The following XPOT variants were observed in gnomAD, a reference collection of about 807,000 sequenced individuals.
The protein encoded by XPOT is exportin-T.
In XPOT, 34 loss-of-function variants were observed where a neutral mutation model predicts 128.2. That is an observed-to-expected ratio of 0.27 (90% CI 0.20 to 0.35). XPOT has a LOEUF of 0.35. XPOT is among the 10% of genes least tolerant of loss of function. The pLI, the probability that XPOT is intolerant of heterozygous loss-of-function variation, is 1.00. For synonymous variants in XPOT, 348 were observed against 394.3 expected, an observed-to-expected ratio of 0.88 and a Z score of 1.39; for missense variants, 838 against 1,125.3, an observed-to-expected ratio of 0.74 and a Z score of 3.65.
At chr12:64,428,727 A>G (rs2040213222) in intron 16 of XPOT, among the ~76,000 whole-genome samples, 1 of 152,256 alleles carries the variant, frequency 6.6e-6, no homozygotes, top group African/African-American at 2.4e-5. Context: ...TTTGAAAGAT[A>G]TTACTTTACA....
At chr12:64,428,775 C>T (rs1156696048) in intron 16 of XPOT, among the ~76,000 whole-genome samples, 2 of 152,180 alleles carry the variant, frequency 1.3e-5, no homozygotes, top group Non-Finnish European at 2.9e-5. Flanking sequence ...CATGTAAAAA[C>T]ATGACAGCAC....
chr12:64,443,962 A>G (rs1272799429), intron 23 of XPOT, among the ~76,000 whole-genome samples: 2 of 152,178 alleles, frequency 1.3e-5, no homozygotes, highest in Non-Finnish European at 2.9e-5. Context: ...ATAAATTACT[A>G]TTCTTGTGAT....
Position 64,423,034 on chromosome 12 carries a change from T to C in XPOT, c.1110T>C (p.Ala370=). ...QLTVLSDQQK[A]NVEAIMLAVM... ...CAGTGCTCTCGGATCAGCAAAAAGCTAATGTAGAGGTAATTGACTTTATGC... is the reference window on the plus strand; with the variant it reads ...CAGTGCTCTCGGATCAGCAAAAAGCCAATGTAGAGGTAATTGACTTTATGC... Residue 370 remains alanine, a synonymous_variant, in exon 10 of 25, where the codon GCT becomes GCC. Coordinates refer to ENST00000332707, the MANE Select transcript of XPOT (RefSeq NM_007235.6). 1.2e-6 allele frequency: 2 copies of C among 1,613,596 alleles called. No individual in the cohort carries two copies. Among genetic ancestry groups the C allele is most frequent in the African/African-American group, 1.3e-5 (1 of 75,034 alleles).
chr12:64,420,407 A>G lies in XPOT; in HGVS notation c.729A>G (p.Ala243=). The G allele has an allele frequency of 1.9e-6, 3 of 1,613,940 alleles. No individual in the cohort carries two copies. Among genetic ancestry groups the G allele is most frequent in the Non-Finnish European group, 2.5e-6 (3 of 1,179,898 alleles). ...HMSIEVLREE[A]CDCLFEVVNK... ...CAATAGAAGTTCTACGGGAAGAAGC[A>G]TGTGACTGTTTATTTGAAGTTGTAA... The change falls in exon 8 of 25, where the codon GCA becomes GCG. Residue 243 remains alanine (A), a synonymous_variant. Coordinates refer to ENST00000332707, the MANE Select transcript of XPOT (RefSeq NM_007235.6).
rs1434754302 is a variant in XPOT at position 64,425,432 on chromosome 12, A to T, written c.1547A>T (p.Glu516Val). The change falls in exon 14 of 25, where the codon GAA becomes GTA. Residue 516 changes from glutamate (E) to valine (V), a missense_variant. Glu to Val is a moderately radical substitution (Grantham distance 121). This residue lies in a region of XPOT where 761 missense variants were observed against 988.3 expected (regional missense o/e 0.77). Coordinates refer to ENST00000332707, the MANE Select transcript of XPOT (RefSeq NM_007235.6). ...VVRYEKFFTV[E>V]PQHIPCVLMA... ...AGATATGAAAAGTTTTTCACAGTTG[A>T]ACCTCAGCACATTCCATGTGTACTA... is the stretch of plus-strand genomic sequence containing the variant. 1.9e-6 allele frequency: 3 copies of T among 1,613,906 alleles called. No individual in the cohort carries two copies. The highest frequency in any genetic ancestry group is 2.5e-6 in the Non-Finnish European group (3 of 1,179,980).
rs745776409 is a variant in XPOT at position 64,428,070 on chromosome 12, A to C, written c.1687A>C (p.Ile563Leu). The C allele has an allele frequency of 6.4e-7, 1 of 1,571,962 alleles. No homozygotes were observed. The highest frequency in any genetic ancestry group is 8.7e-7 in the Non-Finnish European group (1 of 1,143,724). Residue 563 changes from isoleucine (I) to leucine (L), a missense_variant, in exon 16 of 25, where the codon ATT becomes CTT. By Grantham distance (5) the Ile-to-Leu change is conservative (BLOSUM62 2). This residue lies in a region of XPOT where 761 missense variants were observed against 988.3 expected (regional missense o/e 0.77). Coordinates refer to ENST00000332707, the MANE Select transcript of XPOT (RefSeq NM_007235.6). ...KSLNKQMNPFIEDILNRIQDL... is the reference protein window; with the variant it reads ...KSLNKQMNPFLEDILNRIQDL... Reference sequence around the variant, plus strand: ...TTTCAGTAAGCAAATGAATCCTTTCATTGAGGATATTTTGAATAGAATACA... The same window carrying C: ...TTTCAGTAAGCAAATGAATCCTTTCCTTGAGGATATTTTGAATAGAATACA...
In XPOT at chr12:64,425,334, C is replaced by T. The variant is rs893900488; in HGVS notation, c.1453-4C>T. 1 of 1,612,110 alleles carries T rather than the reference C, an allele frequency of 6.2e-7. No homozygotes were observed. Among genetic ancestry groups the T allele is most frequent in the Admixed American group, 1.7e-5 (1 of 59,686 alleles). ...AGAGGTTTCCTAACTTTTTCCTGAT[C>T]TAGCTGGTAACATCAGGAGTCAGTT... On this transcript the variant is annotated splice_region_variant and splice_polypyrimidine_tract_variant and intron_variant, in intron 13 of 24. Coordinates refer to ENST00000332707, the MANE Select transcript of XPOT (RefSeq NM_007235.6).
Position 64,412,898 on chromosome 12 carries a change from C to T in XPOT, c.61-2009C>T, listed in dbSNP as rs1194122821. ...CACCTCATGAGCAGCCACATGGAAG[C>T]GATGCATAGGGCAAAGTATAGGGGA... On this transcript the variant is annotated intron_variant, in intron 2 of 24. Transcript: ENST00000332707. Among the ~76,000 whole-genome samples, 10 of 152,264 alleles carry T rather than the reference C, an allele frequency of 6.6e-5. No individual in the cohort carries two copies. In the South Asian group the frequency reaches 1.9e-3, roughly 28 times the overall value.
chr12:64,426,711 G>A (rs1042753742), intron 15 of XPOT, among the ~76,000 whole-genome samples: 1 of 152,188 alleles, frequency 6.6e-6, no homozygotes, highest in Admixed American at 6.5e-5. Context: ...GGCCTGGCGC[G>A]GTGGCCCACG....
In XPOT at chr12:64,430,427, CAGTT is replaced by C. The variant is rs753526401; in HGVS notation, c.1976+143_1976+146del. On this transcript the variant is annotated intron_variant, in intron 17 of 24. Transcript: ENST00000332707. ...TAAATCTTTGTCCTCCAAATCCAGT[CAGTT>C]AGATTTGGTTGAAGAAGGGGATAGG... The C allele has an allele frequency of 2.9e-5, 22 of 757,754 alleles. No homozygotes were observed. In the South Asian group the frequency reaches 3.0e-4, roughly 10 times the overall value. 46.9% of individuals were successfully genotyped at this position (757,754 alleles called of 1,614,324 possible).
chr12:64,441,433 T>C (rs559250969), intron 23 of XPOT, among the ~76,000 whole-genome samples: 1 of 152,310 alleles, frequency 6.6e-6, no homozygotes, highest in African/African-American at 2.4e-5. Flanking sequence ...CTTTTGCTAG[T>C]ACCATACTGT....
chr12:64,428,201 T>A, intron 16 of XPOT, 81 bp downstream of exon 16: 1 of 992,888 alleles, frequency 1.0e-6, no homozygotes, highest in Non-Finnish European at 1.5e-6. Context: ...TTGTTGGCAT[T>A]TAAAAAAAAA....
chr12:64,420,905 A>G (rs1159238291), intron 8 of XPOT, among the ~76,000 whole-genome samples: 1 of 152,156 alleles, frequency 6.6e-6, no homozygotes, highest in Non-Finnish European at 1.5e-5. Flanking sequence ...GGTTCAAGTG[A>G]TTCTCCTGTC....
chr12:64,443,766 T>G (rs922033767), intron 23 of XPOT, among the ~76,000 whole-genome samples: 2 of 152,216 alleles, frequency 1.3e-5, no homozygotes, highest in African/African-American at 4.8e-5. Context: ...CAATGGTGTT[T>G]TTTTGAAGTT....
rs556193457 is a variant in XPOT at position 64,422,987 on chromosome 12, T to C, written c.1081-18T>C. 3 of 1,611,360 alleles carry C rather than the reference T, an allele frequency of 1.9e-6. No homozygotes were observed. Among genetic ancestry groups the C allele is most frequent in the South Asian group, 2.2e-5 (2 of 90,486 alleles). ...TAACTTTAGAAAACCTAATAAGTTA[T>C]TGCTTCCTTTTTAACAGCTTACAGT... On this transcript the variant is annotated intron_variant, in intron 9 of 24. Coordinates refer to ENST00000332707, the MANE Select transcript of XPOT (RefSeq NM_007235.6).
In XPOT at chr12:64,418,881, G is replaced by A. The variant is rs1207308748; in HGVS notation, c.276G>A (p.Leu92=). 8 of 1,613,508 alleles carry A rather than the reference G, an allele frequency of 5.0e-6. No individual in the cohort carries two copies. The highest frequency in any genetic ancestry group is 6.8e-6 in the Non-Finnish European group (8 of 1,179,698). ...TLISWLQAQM[L]NPQPEKTFIR... The stretch of plus-strand genomic sequence containing the variant: ...ACTGTTTCTCTGTTTGTCAGATGCT[G>A]AATCCCCAACCAGAGAAGACCTTTA... Residue 92 remains leucine (L), a synonymous_variant, in exon 6 of 25, where the codon CTG becomes CTA. Transcript: ENST00000332707.
intron 1 of XPOT, among the ~76,000 whole-genome samples, chr12:64,407,455 C>T (rs781235495): frequency 6.7e-6 from 1 of 150,086 alleles, no homozygotes; most frequent in East Asian, 1.9e-4. Context: ...CACTGCACTC[C>T]ACCCTGGGCA....
At chr12:64,415,042 G>T in intron 3 of XPOT, 53 bp downstream of exon 3, 3 of 1,132,220 alleles carry the variant, frequency 2.6e-6, no homozygotes, top group Non-Finnish European at 3.9e-6. Flanking sequence ...GACATGACAG[G>T]ACTGTGAAAT....
In XPOT at chr12:64,449,388, G is replaced by A. The variant is rs12366768; in HGVS notation, c.*1257G>A. Reference sequence around the variant, plus strand: ...TCATGGCTACTTGAGAAAGCAAAAGGAAAAAATAATAGTTATCAGTAGTGT... The same window carrying A: ...TCATGGCTACTTGAGAAAGCAAAAGAAAAAAATAATAGTTATCAGTAGTGT... On this transcript the variant is annotated 3_prime_UTR_variant, in exon 25 of 25. Coordinates refer to ENST00000332707, the MANE Select transcript of XPOT (RefSeq NM_007235.6). The A allele has an allele frequency of 6.6e-6, 1 of 152,048 alleles. No individual in the cohort carries two copies. The highest frequency in any genetic ancestry group is 1.5e-5 in the Non-Finnish European group (1 of 67,990). The allele number at this position is 152,048 out of a possible 1,614,324, so 9.4% of individuals were successfully genotyped here.
Sources: gnomAD v4.1 joint callset for allele counts (sites outside exome capture counted in the v4.1 genomes callset) on GRCh38, gnomAD v4.1.1 for gene constraint, gnomAD v4.1.1 regional missense constraint, MANE v1.5 for transcripts, NCBI Gene and HGNC (gene_info 2026-07-23, HGNC 2026-07-21) for gene names.